Variants in CLUL1 observed in about 807,000 individuals in gnomAD.
CLUL1 encodes the protein clusterin like 1, also known as clusterin-like protein 1.
A neutral mutation model predicts 49.4 loss-of-function variants in CLUL1; 43 were observed. The observed-to-expected ratio is 0.87, with a 90% CI of 0.68 to 1.12. The LOEUF (loss-of-function observed/expected upper bound fraction) is 1.12. CLUL1 is among the 50% of genes most tolerant of loss of function. The probability of loss-of-function intolerance (pLI) is 0.00; values close to 1 mark genes in which losing one functional copy is unlikely to be tolerated. For missense variants in CLUL1, 486 were observed against 544.4 expected, an observed-to-expected ratio of 0.89 and a Z score of 1.07; for synonymous variants, 192 against 184.9, an observed-to-expected ratio of 1.04 and a Z score of -0.31.
Position 618,127 on chromosome 18 carries a change from G to C in CLUL1, c.106+21G>C, listed in dbSNP as rs2073363644. The C allele has an allele frequency of 1.9e-6, 3 of 1,542,890 alleles. No individual in the cohort carries two copies. Among genetic ancestry groups the C allele is most frequent in the Non-Finnish European group, 1.8e-6 (2 of 1,115,262 alleles). ...GAAGAGTACGTTTGGTTTCTTATCTGTGCTGTGTCCTGTTTGCATGTTGGT... is the reference window on the plus strand; with the variant it reads ...GAAGAGTACGTTTGGTTTCTTATCTCTGCTGTGTCCTGTTTGCATGTTGGT... On this transcript the variant is annotated intron_variant, in intron 3 of 9. Coordinates refer to ENST00000692774, the MANE Select transcript of CLUL1 (RefSeq NM_001393344.1). The surrounding 1 kb of genome is among the most constrained non-coding windows in gnomAD (Gnocchi z 4.2).
chr18:601,172 T>C (rs117063073), intron 1 of CLUL1, among the ~76,000 whole-genome samples: 191 of 152,344 alleles, frequency 1.3e-3, no homozygotes, highest in Admixed American at 4.0e-3. Context: ...TGAGCATCAC[T>C]GATTGAAATA....
At chr18:620,410 T>C (rs1396091607) in intron 4 of CLUL1, among the ~76,000 whole-genome samples, 2 of 152,040 alleles carry the variant, frequency 1.3e-5, no homozygotes, top group Admixed American at 6.6e-5. Flanking sequence ...GTCCATTTAG[T>C]GAAGGTTACT....
intron 7 of CLUL1, among the ~76,000 whole-genome samples, chr18:637,807 C>A (rs2074196977): frequency 6.6e-6 from 1 of 151,922 alleles, no homozygotes. Flanking sequence ...AAACCCCGTT[C>A]TACTAAAAAT....
chr18:629,841 T>C (rs912713737), intron 6 of CLUL1, among the ~76,000 whole-genome samples: 13 of 152,240 alleles, frequency 8.5e-5, no homozygotes, highest in African/African-American at 3.1e-4. Flanking sequence ...GGACTGTTTA[T>C]CAAGAATAGT....
At chr18:598,812 T>TA (rs572382500) in intron 1 of CLUL1, among the ~76,000 whole-genome samples, 42 of 151,136 alleles carry the variant, frequency 2.8e-4, no homozygotes, top group Non-Finnish European at 2.7e-4. Flanking sequence ...TTTCCGGACT[T>TA]AAAAAAAAAG....
At chr18:630,414 T>C (rs531943328) in intron 6 of CLUL1, among the ~76,000 whole-genome samples, 170 of 152,250 alleles carry the variant, frequency 1.1e-3, no homozygotes, top group African/African-American at 3.6e-3. Context: ...CGGCCTCAAC[T>C]GATTTTAAAA....
At chr18:621,395 G>A (rs1257247101) in intron 4 of CLUL1, among the ~76,000 whole-genome samples, 1 of 152,200 alleles carries the variant, frequency 6.6e-6, no homozygotes, top group Middle Eastern at 3.2e-3. Flanking sequence ...ACTGGTTGAT[G>A]TTGCAGCCTC....
chr18:636,081 G>T (rs543831234), intron 7 of CLUL1, among the ~76,000 whole-genome samples: 1 of 152,186 alleles, frequency 6.6e-6, no homozygotes, highest in East Asian at 1.9e-4. Context: ...AAACATATTG[G>T]CTTTTAAAGT....
chr18:604,479 C>A (rs1475269724), intron 1 of CLUL1, among the ~76,000 whole-genome samples: 1 of 152,174 alleles, frequency 6.6e-6, no homozygotes, highest in Non-Finnish European at 1.5e-5. Context: ...TAAAAAGTAA[C>A]CCTCAATGCA....
chr18:618,203 CTGTTTTCA>C lies in CLUL1; in HGVS notation c.106+98_106+105del, dbSNP rs1244595949. On this transcript the variant is annotated intron_variant, in intron 3 of 9. Transcript: ENST00000692774. This position sits in a 1 kb window ranked among gnomAD's most constrained non-coding sequence, Gnocchi z 4.2. ...CGCAGTTGAGAGATAACCATATTCGCTGTTTTCACGGTGAAACGTTCTCAAGGCGCTTA... is the reference window on the plus strand; with the variant it reads ...CGCAGTTGAGAGATAACCATATTCGCCGGTGAAACGTTCTCAAGGCGCTTA... 3.5e-5 allele frequency: 31 copies of C among 884,224 alleles called. No individual in the cohort carries two copies. Among genetic ancestry groups the C allele is most frequent in the Non-Finnish European group, 5.3e-5 (29 of 549,560 alleles). The allele number at this position is 884,224 out of a possible 1,614,324, so 54.8% of individuals were successfully genotyped here.
At chr18:645,253 T>A in intron 9 of CLUL1, 156 bp downstream of exon 9, 3 of 523,742 alleles carry the variant, frequency 5.7e-6, no homozygotes, top group Admixed American at 8.1e-5. Flanking sequence ...GCCTATCAGA[T>A]TTGCAAATTA....
chr18:608,266 G>A (rs997201858), intron 2 of CLUL1, among the ~76,000 whole-genome samples: 4 of 152,208 alleles, frequency 2.6e-5, no homozygotes, highest in East Asian at 3.9e-4. Context: ...CACGGTCCCC[G>A]CTCTGGCTCT....
intron 4 of CLUL1, among the ~76,000 whole-genome samples, chr18:621,540 G>T (rs2073487144): frequency 6.6e-6 from 1 of 152,182 alleles, no homozygotes; most frequent in African/African-American, 2.4e-5. Flanking sequence ...TCAGGAAAAT[G>T]TGGAAGCCCC....
chr18:620,299 T>A (rs2073450960), intron 4 of CLUL1, among the ~76,000 whole-genome samples: 1 of 152,160 alleles, frequency 6.6e-6, no homozygotes. Context: ...AATGATCAAG[T>A]GTCAGCTCTG....
intron 4 of CLUL1, among the ~76,000 whole-genome samples, 175 bp downstream of exon 4, chr18:619,536 G>C (rs756589124): frequency 6.6e-6 from 1 of 152,090 alleles, no homozygotes; most frequent in Non-Finnish European, 1.5e-5. Flanking sequence ...AACATATTTC[G>C]TGTAGGATAG....
intron 2 of CLUL1, among the ~76,000 whole-genome samples, chr18:613,547 TA>T (rs2073206684): frequency 6.6e-6 from 1 of 150,746 alleles, no homozygotes; most frequent in Non-Finnish European, 1.5e-5. Flanking sequence ...CTCCGCCTCC[TA>T]GGTTTAAGCA....
chr18:646,813 G>A (rs1854136988), intron 9 of CLUL1, among the ~76,000 whole-genome samples: 2 of 150,226 alleles, frequency 1.3e-5, no homozygotes, highest in South Asian at 4.2e-4. Flanking sequence ...ACAGTGGCAC[G>A]ATCTCGGCTC....
At chr18:627,847 G>T (rs1250606990) in intron 6 of CLUL1, among the ~76,000 whole-genome samples, 3 of 151,572 alleles carry the variant, frequency 2.0e-5, no homozygotes, top group Middle Eastern at 7.0e-3. Flanking sequence ...ATTTTGTGAC[G>T]GAGTCTCACT....
At chr18:608,532 C>T (rs1173038286) in intron 2 of CLUL1, among the ~76,000 whole-genome samples, 1 of 152,116 alleles carries the variant, frequency 6.6e-6, no homozygotes, top group Non-Finnish European at 1.5e-5. Flanking sequence ...ACTTCTGTGA[C>T]ATTTTGGCTA....
Sources: gnomAD v4.1 joint callset for allele counts (sites outside exome capture counted in the v4.1 genomes callset) on GRCh38, gnomAD v4.1.1 for gene constraint, Gnocchi (gnomAD v3.1) non-coding constraint, MANE v1.5 for transcripts, NCBI Gene and HGNC (gene_info 2026-07-23, HGNC 2026-07-21) for gene names.